LRRC27: variants seen among roughly 807,000 people sequenced by gnomAD.
LRRC27 encodes the protein leucine rich repeat containing 27, also known as leucine-rich repeat-containing protein 27.
LRRC27 carries 57 observed loss-of-function variants against 55.0 expected under a neutral mutation model. That is an observed-to-expected ratio of 1.04 (90% CI 0.84 to 1.29). The LOEUF (loss-of-function observed/expected upper bound fraction) is 1.29, where lower values mean the gene tolerates loss of function less well. Among genes scored for constraint, LRRC27 ranks in the 50% most tolerant of loss-of-function variants. The pLI is 0.00. For synonymous variants in LRRC27, 278 were observed against 251.9 expected (o/e 1.10, Z -0.98); for missense variants, 721 against 651.5 (o/e 1.11, Z -1.16).
chr10:132,360,349 G>A (rs2068554124), intron 8 of LRRC27, among the ~76,000 whole-genome samples: 1 of 152,182 alleles, frequency 6.6e-6, no homozygotes, highest in East Asian at 1.9e-4. Context: ...ACCCGCCCCG[G>A]CCTCCCAAAG....
chr10:132,361,351 C>T, intron 8 of LRRC27, 106 bp from the exon 9 acceptor site: 2 of 977,756 alleles, frequency 2.0e-6, no homozygotes, highest in Non-Finnish European at 3.3e-6. Context: ...GCCTCGGACC[C>T]ACCTCTTCGT....
rs567516051 is a variant in LRRC27 at position 132,374,909 on chromosome 10, G to A, written c.1417-157G>A. Among the ~76,000 whole-genome samples, 4 of 152,204 alleles carry A rather than the reference G, an allele frequency of 2.6e-5. No homozygotes were observed. Among genetic ancestry groups the A allele is most frequent in the East Asian group, 3.9e-4 (2 of 5,184 alleles). ...GCTGGGCCCCATTGCAGGGGGGACC[G>A]CGCCGTGATGCGGCTTGCAGGGGCC... is the stretch of plus-strand genomic sequence containing the variant. On this transcript the variant is annotated intron_variant, in intron 10 of 10. Transcript: ENST00000368614. This position sits in a 1 kb window ranked among gnomAD's most constrained non-coding sequence, Gnocchi z 4.4.
chr10:132,348,094 G>A lies in LRRC27; in HGVS notation c.664G>A (p.Gly222Arg). ...QGAVNAQDPE[G>R]AVMKEKASFL... ...AGCTGTGAACGCTCAGGACCCAGAG[G>A]GGGCTGTGATGAAAGAGAAGGCCAG... The change falls in exon 6 of 11, where the codon GGG becomes AGG. Residue 222 changes from glycine (G) to arginine (R), a missense_variant. Transcript: ENST00000368614. This position sits in a 1 kb window ranked among gnomAD's most constrained non-coding sequence, Gnocchi z 4.2. 1 of 1,614,136 alleles carries A rather than the reference G, an allele frequency of 6.2e-7. No homozygotes were observed. Among genetic ancestry groups the A allele is most frequent in the Non-Finnish European group, 8.5e-7 (1 of 1,180,048 alleles).
chr10:132,341,357 A>G (rs908178010), intron 3 of LRRC27, among the ~76,000 whole-genome samples: 2 of 152,258 alleles, frequency 1.3e-5, no homozygotes, highest in Admixed American at 6.5e-5. Context: ...ACTGCACTCC[A>G]GCCTGGGCAA....
At chr10:132,331,469 G>C (rs1370170181), upstream of LRRC27, 3 of 1,612,740 alleles carry the variant, frequency 1.9e-6, no homozygotes, top group Non-Finnish European at 2.5e-6. Context: ...CCTCCGTCCA[G>C]AGGCAGCCTT....
rs1164107803 is a variant in LRRC27 at position 132,352,682 on chromosome 10, C to CCGTGTGGGG, written c.1073+930_1073+931insGTGTGGGGC. Reference sequence around the variant, plus strand: ...CCGTGTGGGGCAGGCGCTGAGGCCTCCATGTGGGGCAGGTGCAGCGCTCGT... The same window carrying CCGTGTGGGG: ...CCGTGTGGGGCAGGCGCTGAGGCCTCCGTGTGGGGCATGTGGGGCAGGTGCAGCGCTCGT... On this transcript the variant is annotated intron_variant, in intron 7 of 10. Transcript: ENST00000368614. Among the ~76,000 whole-genome samples the CCGTGTGGGG allele has an allele frequency of 1.3e-4, 19 of 142,990 alleles. 3 individuals are homozygous for CCGTGTGGGG. The highest frequency in any genetic ancestry group is 4.2e-4 in the African/African-American group (16 of 37,752). The allele number at this position is 142,990 out of a possible 152,430, so 93.8% of individuals were successfully genotyped here.
At position 132,364,881 on chromosome 10, in the gene LRRC27, C is replaced by T. The variant is rs533232748; in HGVS notation, c.1290-543C>T. Among the ~76,000 whole-genome samples, 683 of 130,654 alleles carry T rather than the reference C, an allele frequency of 5.2e-3. 8 individuals carry two copies. Among genetic ancestry groups the T allele is most frequent in the African/African-American group, 0.018 (657 of 36,732 alleles). The allele number at this position is 130,654 out of a possible 152,430, so 85.7% of individuals were successfully genotyped here. A position where few individuals can be genotyped will look rare whatever the true frequency, so the allele number is the denominator to read the frequency against. ...CACTCACGCAGACTGGAGTGGACCC[C>T]GCCACCCCACAGCTCACCTGCAGCA... On this transcript the variant is annotated intron_variant, in intron 9 of 10. Transcript: ENST00000368614.
intron 1 of LRRC27, 149 bp downstream of exon 1, chr10:132,332,405 C>G (rs2066824175): frequency 6.6e-6 from 1 of 152,246 alleles, no homozygotes; most frequent in African/African-American, 2.4e-5. Flanking sequence ...GAATGTGAGG[C>G]CCAGAGCGTC....
rs1590650447 is a variant in LRRC27 at position 132,348,787 on chromosome 10, A to C, written c.926+431A>C. Among the ~76,000 whole-genome samples, 1 of 152,250 alleles carries C rather than the reference A, an allele frequency of 6.6e-6. No individual in the cohort carries two copies. Among genetic ancestry groups the C allele is most frequent in the Admixed American group, 6.5e-5 (1 of 15,288 alleles). On this transcript the variant is annotated intron_variant, in intron 6 of 10. Transcript: ENST00000368614. This position sits in a 1 kb window ranked among gnomAD's most constrained non-coding sequence, Gnocchi z 4.2. ...GCTTCGATCAGTGCTCACTGAATCCACATTTTACCTGTGAAAAGAGAGGAG... is the reference window on the plus strand; with the variant it reads ...GCTTCGATCAGTGCTCACTGAATCCCCATTTTACCTGTGAAAAGAGAGGAG...
chr10:132,369,051 C>G (rs1031341923), intron 10 of LRRC27, among the ~76,000 whole-genome samples: 2 of 152,194 alleles, frequency 1.3e-5, no homozygotes, highest in African/African-American at 4.8e-5. Context: ...TGAAAAGAAG[C>G]TTCACATTGT....
chr10:132,337,081 A>G, intron 2 of LRRC27: 5 of 1,282,386 alleles, frequency 3.9e-6, no homozygotes, highest in Non-Finnish European at 4.9e-6. Flanking sequence ...ACACCACGGC[A>G]GACATCTCTG....
intron 8 of LRRC27, among the ~76,000 whole-genome samples, chr10:132,360,011 T>C (rs1417665856): frequency 6.6e-6 from 1 of 152,210 alleles, no homozygotes; most frequent in East Asian, 1.9e-4. Context: ...GGGAGTAAAA[T>C]GTGGATGGGT....
rs555145095 is a variant in LRRC27, at chr10:132,343,715, C to T, written c.401-783C>T. The stretch of plus-strand genomic sequence containing the variant: ...ACTTAACCTACATGTGAAAAGCGAG[C>T]GCGGCTGAAAGGTGGGACACCCAAA... On this transcript the variant is annotated intron_variant, in intron 4 of 10. Coordinates refer to ENST00000368614, the MANE Select transcript of LRRC27 (RefSeq NM_030626.3). Among the ~76,000 whole-genome samples the T allele has an allele frequency of 8.5e-5, 13 of 152,330 alleles. No individual in the cohort carries two copies. In the South Asian group the frequency reaches 1.9e-3, roughly 22 times the overall value.
intron 9 of LRRC27, among the ~76,000 whole-genome samples, chr10:132,362,808 C>T (rs1344639433): frequency 1.1e-4 from 16 of 141,118 alleles, no homozygotes; most frequent in East Asian, 2.1e-4. Context: ...CTTGGGGGTC[C>T]GGGGTTCACC....
intron 8 of LRRC27, among the ~76,000 whole-genome samples, chr10:132,359,301 T>C (rs748206782): frequency 2.6e-5 from 4 of 152,126 alleles, no homozygotes; most frequent in Non-Finnish European, 4.4e-5. Flanking sequence ...AGCAATCATA[T>C]AGGCATTTAG....
Position 132,335,639 on chromosome 10 carries a change from G to C in LRRC27, c.210+1905G>C. 1.3e-5 allele frequency among the ~76,000 whole-genome samples: 2 copies of C among 152,126 alleles called. 1 individual carries two copies. Among genetic ancestry groups the C allele is most frequent in the Non-Finnish European group, 2.9e-5 (2 of 68,022 alleles). ...TGTTGGGTAGGGGCTGTACGGTGCA[G>C]GTTCCTCCCCTGGTTCCTCATAGGC... On this transcript the variant is annotated intron_variant, in intron 2 of 10. Coordinates refer to ENST00000368614, the MANE Select transcript of LRRC27 (RefSeq NM_030626.3).
At chr10:132,354,685 G>T (rs1047265118) in intron 7 of LRRC27, among the ~76,000 whole-genome samples, 1 of 152,240 alleles carries the variant, frequency 6.6e-6, no homozygotes, top group Non-Finnish European at 1.5e-5. Context: ...GCCGTGGGCC[G>T]GGTAGAGCCC....
At chr10:132,358,634 C>T (rs368192553) in intron 8 of LRRC27, among the ~76,000 whole-genome samples, 99 of 88,506 alleles carry the variant, frequency 1.1e-3, no homozygotes, top group African/African-American at 4.0e-3. Context: ...GGGGAGGAGC[C>T]GAGGTGGTGG....
Position 132,375,411 on chromosome 10 carries a change from T to C in LRRC27, c.*169T>C, listed in dbSNP as rs534656453. 5.2e-6 allele frequency: 3 copies of C among 577,462 alleles called. No individual in the cohort carries two copies. Among genetic ancestry groups the C allele is most frequent in the East Asian group, 6.1e-5 (2 of 32,888 alleles). 35.8% of individuals were successfully genotyped at this position (577,462 alleles called of 1,614,324 possible). A position where few individuals can be genotyped will look rare whatever the true frequency, so the allele number is the denominator to read the frequency against. ...CTTAGACAGGTCCACGTCCCTCTCC[T>C]GAGGCTGTGGAAGATTTCAGCCGTA... On this transcript the variant is annotated 3_prime_UTR_variant, in exon 11 of 11. Coordinates refer to ENST00000368614, the MANE Select transcript of LRRC27 (RefSeq NM_030626.3).
Sources: gnomAD v4.1 joint callset for allele counts (sites outside exome capture counted in the v4.1 genomes callset) on GRCh38, gnomAD v4.1.1 for gene constraint, Gnocchi (gnomAD v3.1) non-coding constraint, MANE v1.5 for transcripts, NCBI Gene and HGNC (gene_info 2026-07-23, HGNC 2026-07-21) for gene names.